Variants in ASB15 observed in about 807,000 individuals in gnomAD.
The protein encoded by ASB15 is ankyrin repeat and SOCS box protein 15.
In ASB15, 54 loss-of-function variants were observed where a neutral mutation model predicts 58.0. The observed-to-expected ratio is 0.93, with a 90% CI of 0.75 to 1.17. ASB15 has a LOEUF of 1.17. Among genes scored for constraint, ASB15 ranks in the 50% most tolerant of loss-of-function variants. ASB15 has a pLI of 0.00. For missense variants in ASB15, 680 were observed against 707.4 expected (o/e 0.96, Z 0.44); for synonymous variants, 249 against 262.4 (o/e 0.95, Z 0.50).
chr7:123,627,492 C>A (rs538784541), intron 9 of ASB15, among the ~76,000 whole-genome samples: 167 of 152,118 alleles, frequency 1.1e-3, no homozygotes, highest in Non-Finnish European at 2.0e-3. Flanking sequence ...ATTTATAGTA[C>A]TTTTATAATG....
chr7:123,624,850 C>T (rs753550844), intron 8 of ASB15, 36 bp downstream of exon 8: 1 of 1,588,774 alleles, frequency 6.3e-7, no homozygotes, highest in Non-Finnish European at 8.6e-7. Context: ...TGACTTTTGT[C>T]CTGCCTCTCG....
At chr7:123,572,059 T>C (rs1798921614) in intron 1 of ASB15, among the ~76,000 whole-genome samples, 1 of 151,378 alleles carries the variant, frequency 6.6e-6, no homozygotes, top group South Asian at 2.1e-4. Flanking sequence ...AAGCACTGGG[T>C]TTACAGGTGT....
intron 3 of ASB15, among the ~76,000 whole-genome samples, chr7:123,610,835 A>G (rs1394331879): frequency 4.6e-5 from 7 of 152,138 alleles, no homozygotes; most frequent in African/African-American, 1.7e-4. Flanking sequence ...TAAATGGCAA[A>G]TTATTATTAA....
chr7:123,611,452 A>G (rs547389930), intron 3 of ASB15, among the ~76,000 whole-genome samples: 2,573 of 148,312 alleles, frequency 0.017, 75 homozygotes, highest in African/African-American at 0.06. Context: ...CCGCCACCGT[A>G]CCTAATTTTT....
intron 6 of ASB15, among the ~76,000 whole-genome samples, chr7:123,616,778 C>A (rs1279990209): frequency 1.3e-5 from 2 of 151,934 alleles, no homozygotes; most frequent in Admixed American, 1.3e-4. Flanking sequence ...TTCTATATAT[C>A]ATGAATTAAT....
chr7:123,567,779 A>G (rs1013941998), intron 1 of ASB15, among the ~76,000 whole-genome samples: 1 of 152,184 alleles, frequency 6.6e-6, no homozygotes, highest in Non-Finnish European at 1.5e-5. Context: ...AAAATAACCC[A>G]GAATCAGAAA....
At chr7:123,619,345 T>C (rs914939183) in intron 7 of ASB15, among the ~76,000 whole-genome samples, 2 of 152,178 alleles carry the variant, frequency 1.3e-5, no homozygotes, top group East Asian at 1.9e-4. Flanking sequence ...TAATAAAGTA[T>C]ATATTTAAAT....
In ASB15 at chr7:123,629,398, G is replaced by T. The variant is rs774628678; in HGVS notation, c.1404G>T (p.Leu468=). The T allele has an allele frequency of 5.0e-6, 8 of 1,612,614 alleles. No individual in the cohort carries two copies. The Admixed American group carries it at 1.0e-4, about 20-fold the overall frequency. Residue 468 remains leucine, a synonymous_variant, in exon 10 of 12, where the codon CTG becomes CTT. Transcript: ENST00000451215. ...FVWSEIQEEV[L]PGWTSCVIKD... ...GGTCAGAGATACAGGAAGAGGTGCTGCCAGGATGGACATCTTGTGTAATAA... is the reference window on the plus strand; with the variant it reads ...GGTCAGAGATACAGGAAGAGGTGCTTCCAGGATGGACATCTTGTGTAATAA...
At chr7:123,619,019 C>A (rs921783914) in intron 7 of ASB15, among the ~76,000 whole-genome samples, 1 of 151,400 alleles carries the variant, frequency 6.6e-6, no homozygotes, top group Non-Finnish European at 1.5e-5. Context: ...ACTAAAAATA[C>A]AAAAACAAAA....
At position 123,579,298 on chromosome 7, in the gene ASB15, T is replaced by G. The variant is rs1799160855; in HGVS notation, c.-443+12210T>G. Among the ~76,000 whole-genome samples, 5 of 152,240 alleles carry G rather than the reference T, an allele frequency of 3.3e-5. No homozygotes were observed. In the South Asian group the frequency reaches 1.0e-3, roughly 32 times the overall value. ...ACTACATTTTCTTTATAAGTGTAAT[T>G]GGGAAAATTTTAGATAAAAATACTT... On this transcript the variant is annotated intron_variant, in intron 1 of 13. Transcript: ENST00000451558.
At chr7:123,606,733 A>G (rs995404642) in intron 2 of ASB15, among the ~76,000 whole-genome samples, 4 of 152,160 alleles carry the variant, frequency 2.6e-5, no homozygotes, top group African/African-American at 9.7e-5. Context: ...GGCTTGTTTC[A>G]TTTAGCATAA....
intron 9 of ASB15, among the ~76,000 whole-genome samples, chr7:123,628,240 C>T (rs1419820207): frequency 6.6e-6 from 1 of 152,166 alleles, no homozygotes; most frequent in African/African-American, 2.4e-5. Context: ...TGGAAGCAGA[C>T]AGAGTGTTCA....
chr7:123,580,917 A>C (rs937572892), intron 1 of ASB15, among the ~76,000 whole-genome samples: 1 of 152,058 alleles, frequency 6.6e-6, no homozygotes, highest in Admixed American at 6.6e-5. Flanking sequence ...TATTATGAAA[A>C]GAGACCAATA....
chr7:123,631,748 A>C (rs887333463), intron 11 of ASB15, among the ~76,000 whole-genome samples: 1 of 152,160 alleles, frequency 6.6e-6, no homozygotes, highest in Non-Finnish European at 1.5e-5. Flanking sequence ...GGAACCAAGC[A>C]TCCTTCTAAA....
chr7:123,592,826 G>T (rs917559038), intron 1 of ASB15, among the ~76,000 whole-genome samples: 1 of 152,108 alleles, frequency 6.6e-6, no homozygotes, highest in Non-Finnish European at 1.5e-5. Flanking sequence ...GGATATCCTT[G>T]TTAATTTTCT....
intron 2 of ASB15, 83 bp from the exon 3 acceptor site, chr7:123,608,511 T>C (rs1424671326): frequency 6.6e-6 from 1 of 152,226 alleles, no homozygotes; most frequent in Non-Finnish European, 1.5e-5. Flanking sequence ...TGTGTGTGCA[T>C]GTTTTCAAGG....
intron 1 of ASB15, among the ~76,000 whole-genome samples, chr7:123,575,050 G>A (rs1187522140): frequency 7.1e-6 from 1 of 140,726 alleles, no homozygotes; most frequent in East Asian, 2.1e-4. Context: ...TAATATGACA[G>A]GTATGTTTCC....
chr7:123,624,632 A>G lies in ASB15; in HGVS notation c.515A>G (p.Gln172Arg). 5 of 1,614,054 alleles carry G rather than the reference A, an allele frequency of 3.1e-6. No individual in the cohort carries two copies. The highest frequency in any genetic ancestry group is 4.2e-6 in the Non-Finnish European group (5 of 1,179,910). The change falls in exon 8 of 12, where the codon CAG (glutamine) becomes CGG (arginine). Residue 172 changes from glutamine (Q) to arginine (R), a missense_variant. Transcript: ENST00000451215. ...ATCAAACATAACACTAGCCTAGACC[A>G]GCCCTGTGTCAAGCGATGGTCAGCA... is the stretch of plus-strand genomic sequence containing the variant. ...TLIKHNTSLD[Q>R]PCVKRWSAMH... is the part of the protein sequence containing the mutation.
At chr7:123,611,387 C>T (rs1230679119) in intron 3 of ASB15, among the ~76,000 whole-genome samples, 1 of 152,098 alleles carries the variant, frequency 6.6e-6, no homozygotes, top group African/African-American at 2.4e-5. Context: ...CTCCGCCTCC[C>T]GGGTTCACGC....
Sources: gnomAD v4.1 joint callset for allele counts (sites outside exome capture counted in the v4.1 genomes callset) on GRCh38, gnomAD v4.1.1 for gene constraint, MANE v1.5 for transcripts, NCBI Gene and HGNC (gene_info 2026-07-23, HGNC 2026-07-21) for gene names.